Variants in GLI2 observed in about 807,000 individuals in gnomAD.
The protein encoded by GLI2 is transcription activator GLI2.
GLI2 carries 22 observed loss-of-function variants against 78.9 expected under a neutral mutation model. The ratio of observed to expected loss-of-function variants is 0.28; its 90% confidence interval spans 0.20 to 0.40. The LOEUF is 0.40. GLI2 is among the 10% of genes least tolerant of loss of function. The probability of loss-of-function intolerance (pLI) is 1.00; values close to 1 mark genes in which losing one functional copy is unlikely to be tolerated. For missense variants in GLI2, 2,097 were observed against 2,213.2 expected, an observed-to-expected ratio of 0.95 and a Z score of 1.05; for synonymous variants, 974 against 963.7, an observed-to-expected ratio of 1.01 and a Z score of -0.20.
chr2:120,988,201 C>T lies in GLI2; in HGVS notation c.2243-7C>T, dbSNP rs1272883612. ...GTCCCGGTGCTGACCCCTCTGCTCT[C>T]CCGCAGGCTCCATCCTGGAAAACTT... On this transcript the variant is annotated splice_polypyrimidine_tract_variant and splice_region_variant and intron_variant, in intron 13 of 13. Transcript: ENST00000361492. 3 of 1,585,846 alleles carry T rather than the reference C, an allele frequency of 1.9e-6. No homozygotes were observed. Among genetic ancestry groups the T allele is most frequent in the Non-Finnish European group, 8.5e-7 (1 of 1,169,648 alleles).
intron 1 of GLI2, among the ~76,000 whole-genome samples, chr2:120,760,591 T>C (rs529741593): frequency 1.3e-5 from 2 of 152,264 alleles, no homozygotes; most frequent in South Asian, 4.1e-4. Context: ...AGCTCCTTGG[T>C]CATTTGTCTC....
intron 2 of GLI2, among the ~76,000 whole-genome samples, chr2:120,831,002 G>A (rs1339132993): frequency 7.1e-6 from 1 of 140,536 alleles, no homozygotes; most frequent in Admixed American, 7.2e-5. Context: ...TTTTTTGCCT[G>A]TTTGGTCTCT....
In GLI2 at chr2:120,989,062, G is replaced by A. The variant is rs1026265013; in HGVS notation, c.3097G>A (p.Glu1033Lys). The A allele has an allele frequency of 1.2e-6, 2 of 1,610,050 alleles. No homozygotes were observed. Among genetic ancestry groups the A allele is most frequent in the Non-Finnish European group, 1.7e-6 (2 of 1,179,660 alleles). ...GGCAGGAGTGGACGGCGCGGGGCCC[G>A]AGGCCGACCTGGGGCTGCCGGAGGA... is the stretch of plus-strand genomic sequence containing the variant. ...VAAGVDGAGP[E>K]ADLGLPEDDL... The change falls in exon 14 of 14, where the codon GAG becomes AAG. Residue 1033 changes from glutamate (E) to lysine (K), a missense_variant. Around this residue, in one of 5 missense-constraint regions of GLI2, gnomAD observed 1,290 missense variants for 1,261.7 expected, o/e 1.02. Coordinates refer to ENST00000361492, the MANE Select transcript of GLI2 (RefSeq NM_001374353.1).
intron 1 of GLI2, among the ~76,000 whole-genome samples, chr2:120,746,890 C>T (rs1377078695): frequency 6.6e-6 from 1 of 152,140 alleles, no homozygotes. Flanking sequence ...ATTTATTTAA[C>T]ATTATATCAT....
At chr2:120,894,701 CTTT>C (rs35695421) in intron 2 of GLI2, among the ~76,000 whole-genome samples, 48 of 136,980 alleles carry the variant, frequency 3.5e-4, no homozygotes, top group East Asian at 6.6e-4. Context: ...TCTTTTCTTT[CTTT>C]TTTTTTTTTT....
At position 120,855,972 on chromosome 2, in the gene GLI2, C is replaced by T. The variant is rs377257588; in HGVS notation, c.148+58504C>T. On this transcript the variant is annotated intron_variant, in intron 2 of 13. Transcript: ENST00000361492. ...ACACCAGCAGGCACCATTTGTGCAGCGCCTACTTGGATCTGGGGACCTGGA... is the reference window on the plus strand; with the variant it reads ...ACACCAGCAGGCACCATTTGTGCAGTGCCTACTTGGATCTGGGGACCTGGA... Among the ~76,000 whole-genome samples the T allele has an allele frequency of 9.8e-5, 15 of 152,286 alleles. No homozygotes were observed. The East Asian group carries it at 1.4e-3, about 14-fold the overall frequency.
chr2:120,823,087 G>A (rs896808772), intron 2 of GLI2, among the ~76,000 whole-genome samples: 15 of 149,570 alleles, frequency 1.0e-4, no homozygotes, highest in South Asian at 6.4e-4. Context: ...TGCACCCCCC[G>A]CCACCCGGCT....
At position 120,911,950 on chromosome 2, in the gene GLI2, G is replaced by C. The variant is rs1478204546; in HGVS notation, c.149-15411G>C. Among the ~76,000 whole-genome samples, 3 of 152,282 alleles carry C rather than the reference G, an allele frequency of 2.0e-5. 1 individual carries two copies. The South Asian group carries it at 6.2e-4, about 32-fold the overall frequency. On this transcript the variant is annotated intron_variant, in intron 2 of 13. Transcript: ENST00000361492. ...AGGATCTGGAGGTCCTGAGTGCCAGGCTGGGGCTCTTGACTCCATTCTGCT... is the reference window on the plus strand; with the variant it reads ...AGGATCTGGAGGTCCTGAGTGCCAGCCTGGGGCTCTTGACTCCATTCTGCT...
intron 1 of GLI2, among the ~76,000 whole-genome samples, chr2:120,766,721 C>A (rs1004445786): frequency 1.3e-5 from 2 of 152,206 alleles, no homozygotes; most frequent in African/African-American, 4.8e-5. Flanking sequence ...AATGGTGAAT[C>A]CTTGCAGGGT....
chr2:120,743,113 G>A (rs950951706), intron 1 of GLI2, among the ~76,000 whole-genome samples: 16 of 152,158 alleles, frequency 1.1e-4, no homozygotes, highest in African/African-American at 3.9e-4. Flanking sequence ...TTATCTGGGG[G>A]AGGACACAAA....
chr2:120,927,183 C>T lies in GLI2; in HGVS notation c.149-178C>T, dbSNP rs556629483. ...ATGTGAAAGATGTAGAATTCTCGGG[C>T]AGACTTTGATTATTTATTCATCCCC... On this transcript the variant is annotated intron_variant, in intron 2 of 13. Transcript: ENST00000361492. 4.7e-3 allele frequency among the ~76,000 whole-genome samples: 717 copies of T among 152,364 alleles called. 4 individuals are homozygous for T. Among genetic ancestry groups the T allele is most frequent in the Non-Finnish European group, 8.6e-3 (584 of 68,040 alleles).
At chr2:120,792,199 C>G (rs1684180959) in intron 1 of GLI2, 1 of 152,228 alleles carries the variant, frequency 6.6e-6, no homozygotes, top group African/African-American at 2.4e-5. Flanking sequence ...TCATTCTGCT[C>G]TGATTACTAA....
intron 1 of GLI2, among the ~76,000 whole-genome samples, chr2:120,756,171 T>A (rs1329778109): frequency 6.6e-6 from 1 of 152,226 alleles, no homozygotes; most frequent in Non-Finnish European, 1.5e-5. Context: ...AGAATTGACA[T>A]CTTAATAATA....
chr2:120,754,274 A>G (rs1456436295), intron 1 of GLI2, among the ~76,000 whole-genome samples: 1 of 152,200 alleles, frequency 6.6e-6, no homozygotes, highest in Non-Finnish European at 1.5e-5. Flanking sequence ...GATCCTTGCC[A>G]ATCTGATAGT....
intron 1 of GLI2, among the ~76,000 whole-genome samples, chr2:120,738,999 GTCAA>G (rs1558774086): frequency 6.6e-6 from 1 of 152,000 alleles, no homozygotes; most frequent in Non-Finnish European, 1.5e-5. Flanking sequence ...CGAATGCAGA[GTCAA>G]TCCTTTGAGT....
intron 3 of GLI2, among the ~76,000 whole-genome samples, chr2:120,948,216 G>A (rs889522589): frequency 2.0e-5 from 3 of 152,198 alleles, no homozygotes; most frequent in Non-Finnish European, 4.4e-5. Context: ...CAGTGTGCTC[G>A]TGGTCAAGTG....
At chr2:120,886,677 C>G (rs1677429266) in intron 2 of GLI2, among the ~76,000 whole-genome samples, 1 of 152,164 alleles carries the variant, frequency 6.6e-6, no homozygotes, top group Non-Finnish European at 1.5e-5. Context: ...AGGCTGGGAG[C>G]CTGCTTAGTG....
At chr2:120,757,258 G>A (rs1233730666) in intron 1 of GLI2, among the ~76,000 whole-genome samples, 3 of 144,668 alleles carry the variant, frequency 2.1e-5, no homozygotes, top group Admixed American at 7.0e-5. Context: ...GGTAATCTTT[G>A]CTAGATGCTA....
At chr2:120,746,535 C>A (rs1365925122) in intron 1 of GLI2, among the ~76,000 whole-genome samples, 2 of 152,180 alleles carry the variant, frequency 1.3e-5, no homozygotes, top group Admixed American at 1.3e-4. Context: ...CCTCTTTCTT[C>A]TGCTTCTGTT....
Sources: gnomAD v4.1 joint callset for allele counts (sites outside exome capture counted in the v4.1 genomes callset) on GRCh38, gnomAD v4.1.1 for gene constraint, gnomAD v4.1.1 regional missense constraint, MANE v1.5 for transcripts, NCBI Gene and HGNC (gene_info 2026-07-23, HGNC 2026-07-21) for gene names.